The following TUNAR variants were observed in gnomAD, a reference collection of about 807,000 sequenced individuals.
TUNAR encodes the protein transmembrane neural differentiation associated intracellular calcium regulator.
At chr14:95,901,443 C>T (rs1029840835) in intron 2 of TUNAR, among the ~76,000 whole-genome samples, 1 of 152,204 alleles carries the variant, frequency 6.6e-6, no homozygotes, top group Non-Finnish European at 1.5e-5. Context: ...GGGTGCCAGG[C>T]CCCATATAGA....
chr14:95,891,617 T>C (rs1360701375), intron 2 of TUNAR, among the ~76,000 whole-genome samples: 3 of 152,246 alleles, frequency 2.0e-5, no homozygotes, highest in Non-Finnish European at 4.4e-5. Context: ...TTCATCTCCC[T>C]ATTACTATAC....
At chr14:95,885,281 C>G (rs954279680) in intron 2 of TUNAR, among the ~76,000 whole-genome samples, 1 of 152,162 alleles carries the variant, frequency 6.6e-6, no homozygotes, top group African/African-American at 2.4e-5. Context: ...ACATATTGAC[C>G]AAGCCTTCAC....
At chr14:95,903,726 G>A (rs1182231040) in intron 2 of TUNAR, among the ~76,000 whole-genome samples, 1 of 152,222 alleles carries the variant, frequency 6.6e-6, no homozygotes, top group Non-Finnish European at 1.5e-5. Context: ...GGGTTGACTG[G>A]ACTCAGCTGG....
chr14:95,909,342 G>A (rs533487456), intron 2 of TUNAR, among the ~76,000 whole-genome samples: 3 of 145,316 alleles, frequency 2.1e-5, no homozygotes, highest in African/African-American at 7.9e-5. Context: ...GGGCTGCAGT[G>A]GCACGATCTC....
Position 95,876,962 on chromosome 14 carries a change from A to C in TUNAR, c.-204A>C, listed in dbSNP as rs1431316090. ...CTAGCCAGCGGCAGACGGGGACATG[A>C]GCAGCGCGCACGGGGTCCCGCGCCC... On this transcript the variant is annotated 5_prime_UTR_variant, in exon 2 of 3. It removes the in-frame stop codon of an upstream open reading frame in the 5' UTR. Transcript: ENST00000678517. The C allele has an allele frequency of 6.6e-6, 1 of 152,286 alleles. No individual in the cohort carries two copies. Among genetic ancestry groups the C allele is most frequent in the Non-Finnish European group, 1.5e-5 (1 of 68,130 alleles). 9.4% of individuals were successfully genotyped at this position (152,286 alleles called of 1,614,324 possible).
intron 2 of TUNAR, among the ~76,000 whole-genome samples, chr14:95,885,805 T>A (rs889812382): frequency 1.3e-5 from 2 of 152,188 alleles, no homozygotes; most frequent in Non-Finnish European, 2.9e-5. Context: ...ACCCTCTATA[T>A]TATAGGATAG....
At position 95,915,749 on chromosome 14, in the gene TUNAR, T is replaced by A. The variant is rs533286968; in HGVS notation, c.13-7032T>A. On this transcript the variant is annotated intron_variant, in intron 2 of 2. Coordinates refer to ENST00000678517, the Ensembl canonical transcript of TUNAR. ...GTCACTGTATACTCGTGGTTTATTT[T>A]CCAAGACACGCATCCTAATTAAGCA... Among the ~76,000 whole-genome samples the A allele has an allele frequency of 2.6e-5, 4 of 152,338 alleles. No homozygotes were observed. The East Asian group carries it at 7.7e-4, about 29-fold the overall frequency.
chr14:95,880,224 G>T (rs1441524530), intron 2 of TUNAR, among the ~76,000 whole-genome samples: 2 of 152,136 alleles, frequency 1.3e-5, no homozygotes, highest in East Asian at 1.9e-4. Flanking sequence ...GGGTATAGCT[G>T]GTTATTAATA....
At chr14:95,885,416 G>C (rs1005372042) in intron 2 of TUNAR, among the ~76,000 whole-genome samples, 1 of 152,182 alleles carries the variant, frequency 6.6e-6, no homozygotes, top group African/African-American at 2.4e-5. Flanking sequence ...AGTGACTGAC[G>C]TGCTCTGAGA....
At chr14:95,923,480 T>C (rs1389966500) in exon 3 of TUNAR, 1 of 152,260 alleles carries the variant, frequency 6.6e-6, no homozygotes, top group East Asian at 1.9e-4. Flanking sequence ...AGATAACTTA[T>C]TTTTCTTTTT....
At chr14:95,879,196 A>T (rs935345471) in intron 2 of TUNAR, among the ~76,000 whole-genome samples, 1 of 152,174 alleles carries the variant, frequency 6.6e-6, no homozygotes, top group African/African-American at 2.4e-5. Context: ...GGTCTTTTTA[A>T]GATGTGGATT....
intron 2 of TUNAR, among the ~76,000 whole-genome samples, chr14:95,905,377 T>C (rs1422709055): frequency 2.6e-5 from 4 of 152,218 alleles, no homozygotes; most frequent in African/African-American, 9.6e-5. Flanking sequence ...GGGCAGTTCT[T>C]CAGTCTTTCT....
chr14:95,901,756 A>G (rs56981128), intron 2 of TUNAR, among the ~76,000 whole-genome samples: 1,806 of 152,332 alleles, frequency 0.012, 46 homozygotes, highest in African/African-American at 0.041. Context: ...AGGAGAAATG[A>G]AAAAATAACA....
chr14:95,910,475 G>T lies in TUNAR; in HGVS notation c.13-12306G>T, dbSNP rs554287570. 5.6e-4 allele frequency among the ~76,000 whole-genome samples: 86 copies of T among 152,218 alleles called. 1 individual carries two copies. The highest frequency in any genetic ancestry group is 1.0e-3 in the Non-Finnish European group (70 of 68,046). ...TGACGTTTATCATCATGTGTGGCTG[G>T]ATAGTAGCTACTGGCCCCATCATGA... On this transcript the variant is annotated intron_variant, in intron 2 of 2. Coordinates refer to ENST00000678517, the Ensembl canonical transcript of TUNAR.
intron 2 of TUNAR, among the ~76,000 whole-genome samples, chr14:95,913,142 C>CTTTTTTT (rs58500125): frequency 5.9e-5 from 8 of 136,470 alleles, no homozygotes; most frequent in East Asian, 2.1e-4. Context: ...ATTTTCTTTC[C>CTTTTTTT]TTTTTTTTTT....
At chr14:95,921,285 A>C (rs904612749) in intron 2 of TUNAR, among the ~76,000 whole-genome samples, 1 of 152,192 alleles carries the variant, frequency 6.6e-6, no homozygotes, top group Admixed American at 6.5e-5. Flanking sequence ...ACATAAATTT[A>C]ACCATCATCA....
chr14:95,911,136 T>C (rs1439195605), intron 2 of TUNAR, among the ~76,000 whole-genome samples: 2 of 152,216 alleles, frequency 1.3e-5, no homozygotes, highest in Non-Finnish European at 2.9e-5. Context: ...GGGCCTCTGT[T>C]CTAGTCCCCG....
intron 2 of TUNAR, among the ~76,000 whole-genome samples, chr14:95,886,548 C>T (rs570285548): frequency 6.6e-5 from 10 of 152,350 alleles, no homozygotes; most frequent in African/African-American, 2.4e-4. Flanking sequence ...TGGCTGACTG[C>T]CAGATGGTGC....
At chr14:95,923,128 C>T (rs373043173) in exon 3 of TUNAR, 14 of 394,558 alleles carry the variant, frequency 3.5e-5, no homozygotes, top group South Asian at 1.4e-4. Flanking sequence ...ACAAATAGAC[C>T]GATCCTGCTG....
Sources: gnomAD v4.1 joint callset for allele counts (sites outside exome capture counted in the v4.1 genomes callset) on GRCh38, gnomAD v4.1.1 for gene constraint, MANE v1.5 for transcripts, NCBI Gene and HGNC (gene_info 2026-07-23, HGNC 2026-07-21) for gene names.